GRM7: variants seen among roughly 807,000 people sequenced by gnomAD.
GRM7 encodes glutamate metabotropic receptor 7.
In GRM7, 35 loss-of-function variants were observed where a neutral mutation model predicts 84.5. The ratio of observed to expected loss-of-function variants is 0.41; its 90% CI spans 0.32 to 0.55. The LOEUF is 0.55. Among genes scored for constraint, GRM7 ranks in the 20% least tolerant of loss-of-function variants. The pLI, the probability that GRM7 is intolerant of heterozygous loss-of-function variation, is 0.19. For synonymous variants in GRM7, 487 were observed against 455.1 expected, an observed-to-expected ratio of 1.07 and a Z score of -0.89; for missense variants, 1,003 against 1,194.6, an observed-to-expected ratio of 0.84 and a Z score of 2.36.
intron 2 of GRM7, among the ~76,000 whole-genome samples, chr3:7,269,917 A>G (rs1299935165): frequency 6.6e-6 from 1 of 151,960 alleles, no homozygotes; most frequent in African/African-American, 2.4e-5. Context: ...CTGTCATTCT[A>G]ACTCTCCCTG....
chr3:6,874,031 C>G (rs933424282), intron 1 of GRM7, among the ~76,000 whole-genome samples: 1 of 152,176 alleles, frequency 6.6e-6, no homozygotes, highest in Non-Finnish European at 1.5e-5. Flanking sequence ...AATTTTAACT[C>G]CTTTCCAGCA....
chr3:7,218,710 A>G (rs1485439735), intron 2 of GRM7, among the ~76,000 whole-genome samples: 2 of 151,718 alleles, frequency 1.3e-5, no homozygotes, highest in Non-Finnish European at 2.9e-5. Flanking sequence ...CCTTCCTTTA[A>G]TTTTCTATTC....
intron 2 of GRM7, among the ~76,000 whole-genome samples, chr3:7,177,380 A>G (rs1695187832): frequency 6.6e-6 from 1 of 152,190 alleles, no homozygotes; most frequent in South Asian, 2.1e-4. Flanking sequence ...GGAATCAGTA[A>G]TTATGTTGAA....
chr3:7,552,898 C>T (rs976155676), intron 7 of GRM7, among the ~76,000 whole-genome samples: 1 of 152,336 alleles, frequency 6.6e-6, no homozygotes, highest in African/African-American at 2.4e-5. Flanking sequence ...GTTACTTATG[C>T]AAATTTCTGC....
chr3:7,269,412 C>T (rs1244383176), intron 2 of GRM7, among the ~76,000 whole-genome samples: 1 of 147,712 alleles, frequency 6.8e-6, no homozygotes, highest in Non-Finnish European at 1.5e-5. Context: ...ATTAGAATTG[C>T]CTGGAGAGGT....
At chr3:6,925,717 A>T (rs187943607) in intron 1 of GRM7, among the ~76,000 whole-genome samples, 1 of 152,196 alleles carries the variant, frequency 6.6e-6, no homozygotes, top group Non-Finnish European at 1.5e-5. Flanking sequence ...ATAAATAGCT[A>T]TAGCTGCTAT....
intron 1 of GRM7, among the ~76,000 whole-genome samples, chr3:6,966,096 G>A (rs945059666): frequency 1.1e-4 from 16 of 152,100 alleles, no homozygotes. Context: ...AATGCCCTTG[G>A]GGCTCTCTCC....
chr3:7,461,691 T>A lies in GRM7; in HGVS notation c.1484T>A (p.Ile495Asn). ...ACCAGCAACCCGGGTTACCGTCTGA[T>A]CGGGCAGTGGACAGACGAACTTCAG... ...TNTSNPGYRLIGQWTDELQLN... is the reference protein window; with the variant it reads ...TNTSNPGYRLNGQWTDELQLN... The change falls in exon 7 of 10, where the codon ATC becomes AAC. Residue 495 changes from isoleucine to asparagine, a missense_variant. Ile to Asn is a moderately radical substitution (Grantham distance 149). This residue lies in a region of GRM7 where 910 missense variants were observed against 1,126.0 expected (regional missense o/e 0.81). Coordinates refer to ENST00000357716, the MANE Select transcript of GRM7 (RefSeq NM_000844.4). 2 of 1,613,934 alleles carry A rather than the reference T, an allele frequency of 1.2e-6. No individual in the cohort carries two copies. The highest frequency in any genetic ancestry group is 1.7e-6 in the Non-Finnish European group (2 of 1,179,834).
intron 8 of GRM7, among the ~76,000 whole-genome samples, chr3:7,660,240 A>G (rs1262128365): frequency 1.3e-5 from 2 of 152,224 alleles, no homozygotes; most frequent in Non-Finnish European, 2.9e-5. Context: ...TAGCATCACC[A>G]GTAGCAGGGC....
At chr3:7,404,037 A>C (rs1211765354) in intron 4 of GRM7, among the ~76,000 whole-genome samples, 1 of 152,136 alleles carries the variant, frequency 6.6e-6, no homozygotes, top group Non-Finnish European at 1.5e-5. Context: ...GCTCAGGCCC[A>C]ACAGTAGAAT....
chr3:7,663,898 G>T (rs1245432820), intron 8 of GRM7, among the ~76,000 whole-genome samples: 1 of 152,130 alleles, frequency 6.6e-6, no homozygotes, highest in Non-Finnish European at 1.5e-5. Context: ...TGAGTCCAGT[G>T]GTTTCATCCC....
chr3:7,356,272 C>A (rs866461669), intron 4 of GRM7, among the ~76,000 whole-genome samples: 2 of 151,770 alleles, frequency 1.3e-5, no homozygotes, highest in African/African-American at 2.4e-5. Flanking sequence ...GAATGTTCAT[C>A]AAAAGGTGAC....
chr3:7,338,628 G>T (rs771344508), intron 4 of GRM7, among the ~76,000 whole-genome samples: 1 of 152,056 alleles, frequency 6.6e-6, no homozygotes, highest in Non-Finnish European at 1.5e-5. Flanking sequence ...ACCACATGGG[G>T]GACATTCGCC....
intron 7 of GRM7, among the ~76,000 whole-genome samples, chr3:7,498,853 C>T (rs75063116): frequency 0.091 from 13,829 of 152,244 alleles, 765 homozygotes; most frequent in South Asian, 0.12. Context: ...GGCCAGAGCC[C>T]TCCACTTTCT....
chr3:6,922,643 T>A (rs1197794960), intron 1 of GRM7, among the ~76,000 whole-genome samples: 3 of 152,192 alleles, frequency 2.0e-5, no homozygotes, highest in Admixed American at 2.0e-4. Flanking sequence ...AACATACATA[T>A]AGAACAGAAC....
chr3:7,537,031 A>G (rs1701269849), intron 7 of GRM7, among the ~76,000 whole-genome samples: 1 of 152,162 alleles, frequency 6.6e-6, no homozygotes, highest in Non-Finnish European at 1.5e-5. Flanking sequence ...AGAGAAAATC[A>G]TCAGGAAAGG....
intron 1 of GRM7, among the ~76,000 whole-genome samples, chr3:7,051,909 T>C (rs1280916217): frequency 2.0e-5 from 3 of 151,804 alleles, no homozygotes; most frequent in Non-Finnish European, 4.4e-5. Context: ...AGAAACTAAA[T>C]AAAGCTAATC....
chr3:6,968,229 G>A (rs1481921683), intron 1 of GRM7, among the ~76,000 whole-genome samples: 7 of 152,058 alleles, frequency 4.6e-5, no homozygotes, highest in African/African-American at 1.7e-4. Context: ...CTGTTAGATG[G>A]CTACATCTTC....
rs1404671835 is a variant in GRM7 at position 6,881,547 on chromosome 3, G to A, written c.519+19640G>A. ...TCTTTATCCAGTCTATTGTTGATGG[G>A]CATTTGGTCTAATACCCACAATCTA... On this transcript the variant is annotated intron_variant, in intron 1 of 9. Transcript: ENST00000357716. 5.9e-5 allele frequency among the ~76,000 whole-genome samples: 9 copies of A among 151,792 alleles called. No individual in the cohort carries two copies. The South Asian group carries it at 1.9e-3, about 32-fold the overall frequency.
Sources: gnomAD v4.1 joint callset for allele counts (sites outside exome capture counted in the v4.1 genomes callset) on GRCh38, gnomAD v4.1.1 for gene constraint, gnomAD v4.1.1 regional missense constraint, MANE v1.5 for transcripts, NCBI Gene and HGNC (gene_info 2026-07-23, HGNC 2026-07-21) for gene names.